Variants in RSU1 observed in about 807,000 individuals in gnomAD.
The protein encoded by RSU1 is rsu-1.
In RSU1, 26 loss-of-function variants were observed where a neutral mutation model predicts 31.1. The ratio of observed to expected loss-of-function variants is 0.84; its 90% confidence interval spans 0.61 to 1.16. The LOEUF (loss-of-function observed/expected upper bound fraction) is 1.16. Among genes scored for constraint, RSU1 ranks in the 50% most tolerant of loss-of-function variants. The pLI is 0.00. For missense variants in RSU1, 320 were observed against 339.1 expected (o/e 0.94, Z 0.44); for synonymous variants, 164 against 136.3 (o/e 1.20, Z -1.41).
chr10:16,697,661 TAA>T (rs577823354), intron 7 of RSU1, among the ~76,000 whole-genome samples: 2 of 127,092 alleles, frequency 1.6e-5, no homozygotes, highest in Non-Finnish European at 3.4e-5. Context: ...AAGACTGTCT[TAA>T]AAAAAAAAAA....
intron 8 of RSU1, among the ~76,000 whole-genome samples, chr10:16,595,698 A>G (rs1395946093): frequency 6.6e-6 from 1 of 152,142 alleles, no homozygotes; most frequent in Non-Finnish European, 1.5e-5. Flanking sequence ...ACAGAAGAAG[A>G]AACAACTCCT....
intron 7 of RSU1, among the ~76,000 whole-genome samples, chr10:16,722,657 C>A (rs1034441518): frequency 6.6e-6 from 1 of 152,026 alleles, no homozygotes; most frequent in African/African-American, 2.4e-5. Flanking sequence ...GTCTACATAG[C>A]ATTTACAGAA....
chr10:16,795,822 C>T (rs1277377129), intron 2 of RSU1, among the ~76,000 whole-genome samples: 1 of 152,134 alleles, frequency 6.6e-6, no homozygotes, highest in Non-Finnish European at 1.5e-5. Context: ...GGTGTATCTT[C>T]AACCCCCCGG....
intron 8 of RSU1, among the ~76,000 whole-genome samples, chr10:16,679,768 T>G (rs1364715315): frequency 1.3e-5 from 2 of 151,016 alleles, no homozygotes; most frequent in Non-Finnish European, 2.9e-5. Context: ...TGGCCCACCA[T>G]CACCATCCTT....
Position 16,817,340 on chromosome 10 carries a change from G to T in RSU1, c.-29C>A. The T allele has an allele frequency of 2.2e-6, 1 of 444,562 alleles. No individual in the cohort carries two copies. Among genetic ancestry groups the T allele is most frequent in the Non-Finnish European group, 4.1e-6 (1 of 244,170 alleles). The allele number at this position is 444,562 out of a possible 1,614,324, so 27.5% of individuals were successfully genotyped here. A position where few individuals can be genotyped will look rare whatever the true frequency, so the allele number is the denominator to read the frequency against. On this transcript the variant is annotated 5_prime_UTR_variant, in exon 1 of 9. Transcript: ENST00000345264. ...CACGGAAGGTAGCCCCTAAGACGAT[G>T]GGCGTGCAACCACAAGCTTCGGCAG...
At chr10:16,618,048 C>T (rs938719196) in intron 8 of RSU1, among the ~76,000 whole-genome samples, 4 of 152,184 alleles carry the variant, frequency 2.6e-5, no homozygotes, top group African/African-American at 9.7e-5. Context: ...GAACAGGCAA[C>T]CTTCAAATGG....
At chr10:16,712,241 T>C (rs915782839) in intron 7 of RSU1, among the ~76,000 whole-genome samples, 3 of 152,174 alleles carry the variant, frequency 2.0e-5, no homozygotes, top group South Asian at 2.1e-4. Context: ...TGTGAGCCTC[T>C]TGTAGCCAGC....
intron 7 of RSU1, among the ~76,000 whole-genome samples, chr10:16,749,413 G>C (rs1836926767): frequency 6.6e-6 from 1 of 152,142 alleles, no homozygotes. Flanking sequence ...GATTTATTAT[G>C]AAAGGAAATT....
intron 8 of RSU1, among the ~76,000 whole-genome samples, chr10:16,680,624 A>T (rs1468261509): frequency 3.3e-5 from 5 of 152,004 alleles, no homozygotes; most frequent in Non-Finnish European, 7.4e-5. Flanking sequence ...AGGGAAGGGG[A>T]GGGAGGGAGG....
At chr10:16,806,332 G>T (rs1001666607) in intron 2 of RSU1, among the ~76,000 whole-genome samples, 1 of 152,188 alleles carries the variant, frequency 6.6e-6, no homozygotes, top group East Asian at 1.9e-4. Flanking sequence ...CCTCCACAGG[G>T]TATGTGCATA....
At chr10:16,798,005 G>A (rs1017579630) in intron 2 of RSU1, among the ~76,000 whole-genome samples, 7 of 151,910 alleles carry the variant, frequency 4.6e-5, no homozygotes, top group African/African-American at 1.5e-4. Flanking sequence ...GGGATTATAG[G>A]TGCCCACCAC....
At chr10:16,695,957 C>A (rs1442983732) in intron 7 of RSU1, among the ~76,000 whole-genome samples, 1 of 152,128 alleles carries the variant, frequency 6.6e-6, no homozygotes, top group Non-Finnish European at 1.5e-5. Context: ...CCAGCAAGCA[C>A]CCCTCATCTG....
intron 2 of RSU1, among the ~76,000 whole-genome samples, chr10:16,788,563 T>C (rs1040607013): frequency 6.6e-6 from 1 of 152,348 alleles, no homozygotes; most frequent in Admixed American, 6.5e-5. Flanking sequence ...TACCTTGATC[T>C]TGCATTTTCC....
intron 7 of RSU1, among the ~76,000 whole-genome samples, chr10:16,732,687 T>A (rs1286777896): frequency 6.6e-6 from 1 of 152,172 alleles, no homozygotes; most frequent in Non-Finnish European, 1.5e-5. Flanking sequence ...CCATGATGAT[T>A]TCTGCCCAGG....
intron 3 of RSU1, 36 bp from the exon 4 acceptor site, chr10:16,764,546 A>G: frequency 6.3e-7 from 1 of 1,596,396 alleles, no homozygotes; most frequent in South Asian, 1.1e-5. Context: ...GAATCTGGGA[A>G]TGGAACTCCT....
chr10:16,681,012 TTG>T (rs1253309249), intron 8 of RSU1, among the ~76,000 whole-genome samples: 2 of 152,208 alleles, frequency 1.3e-5, no homozygotes, highest in African/African-American at 4.8e-5. Flanking sequence ...ATGCTTCCTA[TTG>T]TGTGTCTATT....
Position 16,695,155 on chromosome 10 carries a change from C to CCTAGTT in RSU1, c.599-1_599insAACTAG (p.Glu198_Leu199dup). On this transcript the variant is annotated inframe_insertion and splice_region_variant. Coordinates refer to ENST00000345264, the MANE Select transcript of RSU1 (RefSeq NM_012425.4). ...CTTCTGGCCAGTTAAATCCAAGTTTCCTGGGGGGGGGGAAAAAAAAAGTGA... is the reference window on the plus strand; with the variant it reads ...CTTCTGGCCAGTTAAATCCAAGTTTCCTAGTTCTGGGGGGGGGGAAAAAAAAAGTGA... 6.9e-7 allele frequency: 1 copy of CCTAGTT among 1,454,568 alleles called. No individual in the cohort carries two copies. 90.1% of individuals were successfully genotyped at this position (1,454,568 alleles called of 1,614,324 possible).
intron 8 of RSU1, among the ~76,000 whole-genome samples, chr10:16,642,823 T>C (rs1489599985): frequency 6.6e-6 from 1 of 152,218 alleles, no homozygotes; most frequent in Non-Finnish European, 1.5e-5. Flanking sequence ...TTCCAATAGT[T>C]ATGCATTCCT....
At chr10:16,723,620 T>C (rs1160592004) in intron 7 of RSU1, among the ~76,000 whole-genome samples, 1 of 152,172 alleles carries the variant, frequency 6.6e-6, no homozygotes, top group Non-Finnish European at 1.5e-5. Flanking sequence ...ATACTATAGT[T>C]TACCCCCTCT....
Sources: allele counts gnomAD v4.1 joint callset (sites outside exome capture counted in the v4.1 genomes callset), GRCh38; gene constraint gnomAD v4.1.1; transcripts MANE v1.5; gene names NCBI Gene and HGNC (gene_info 2026-07-23, HGNC 2026-07-21).